GRIA3: variants seen among roughly 807,000 people sequenced by gnomAD.
GRIA3 encodes the protein glutamate ionotropic receptor AMPA type subunit 3.
GRIA3 carries 3 observed loss-of-function variants against 63.0 expected under a neutral mutation model. The ratio of observed to expected loss-of-function variants is 0.05; its 90% CI spans 0.02 to 0.12. The LOEUF is 0.12. Among genes scored for constraint, GRIA3 ranks in the 10% least tolerant of loss-of-function variants. The pLI, the probability that GRIA3 is intolerant of heterozygous loss-of-function variation, is 1.00. For synonymous variants in GRIA3, 274 were observed against 257.9 expected (o/e 1.06, Z -0.60); for missense variants, 347 against 700.9 (o/e 0.50, Z 5.70).
chrX:123,228,372 A>G (rs141729818), intron 2 of GRIA3, among the ~76,000 whole-genome samples: 4,099 of 110,863 alleles, frequency 0.037, 212 homozygotes, highest in African/African-American at 0.13. Context: ...GGTTTCTGGG[A>G]GGGCCTCAAA....
intron 3 of GRIA3, among the ~76,000 whole-genome samples, chrX:123,301,591 GCTA>G (rs2044723602): frequency 9.0e-6 from 1 of 111,503 alleles, no homozygotes; most frequent in Non-Finnish European, 1.9e-5. Context: ...AATGTCAGAT[GCTA>G]CTATTTTCAT....
intron 2 of GRIA3, among the ~76,000 whole-genome samples, chrX:123,228,453 A>G (rs1051669904): frequency 4.5e-5 from 5 of 111,668 alleles, no homozygotes; most frequent in Non-Finnish European, 9.4e-5. Context: ...AGGCCAACTA[A>G]TGGGTCCAAT....
intron 4 of GRIA3, among the ~76,000 whole-genome samples, chrX:123,347,153 G>A (rs2045056196): frequency 8.9e-6 from 1 of 112,220 alleles, no homozygotes; most frequent in South Asian, 3.7e-4. Context: ...TGCTTGAACT[G>A]TTAGCGTGTC....
At chrX:123,321,945 G>A (rs1055682474) in intron 3 of GRIA3, among the ~76,000 whole-genome samples, 2 of 111,273 alleles carry the variant, frequency 1.8e-5, no homozygotes, top group African/African-American at 6.5e-5. Context: ...TACCTCGCTG[G>A]GGGTATGAGG....
At chrX:123,247,333 T>C (rs1292968519) in intron 2 of GRIA3, among the ~76,000 whole-genome samples, 3 of 111,504 alleles carry the variant, frequency 2.7e-5, no homozygotes, top group African/African-American at 9.8e-5. Flanking sequence ...GTGGTATAAT[T>C]TGGTGCCACA....
At chrX:123,267,427 T>C (rs956015342) in intron 3 of GRIA3, among the ~76,000 whole-genome samples, 5 of 112,130 alleles carry the variant, frequency 4.5e-5, no homozygotes, top group African/African-American at 1.6e-4. Context: ...GTGCGCCTTA[T>C]GGTTCCTGAG....
intron 5 of GRIA3, among the ~76,000 whole-genome samples, chrX:123,389,419 G>C (rs376341255): frequency 5.4e-5 from 6 of 111,545 alleles, no homozygotes; most frequent in African/African-American, 2.0e-4. Flanking sequence ...GTTTAGAATT[G>C]CTATATAGTA....
chrX:123,345,341 C>G (rs775405886), intron 4 of GRIA3, among the ~76,000 whole-genome samples: 1 of 109,389 alleles, frequency 9.1e-6, no homozygotes, highest in East Asian at 2.9e-4. Flanking sequence ...ACCCCCAACC[C>G]CTATTCTCCC....
intron 4 of GRIA3, among the ~76,000 whole-genome samples, chrX:123,336,216 G>T (rs1343686749): frequency 9.1e-6 from 1 of 110,307 alleles, no homozygotes; most frequent in Non-Finnish European, 1.9e-5. Context: ...ATGTAAATGA[G>T]CAATAACAAA....
chrX:123,441,821 A>AACACAC (rs34401132), intron 12 of GRIA3, among the ~76,000 whole-genome samples: 80 of 105,099 alleles, frequency 7.6e-4, no homozygotes, highest in African/African-American at 2.6e-3. Context: ...CCTTCCTCTG[A>AACACAC]ACACACACAC....
chrX:123,227,501 G>C (rs2044253748), intron 2 of GRIA3, among the ~76,000 whole-genome samples: 1 of 112,007 alleles, frequency 8.9e-6, no homozygotes, highest in African/African-American at 3.2e-5. Flanking sequence ...AGCAAGTGTT[G>C]ATAAGTCAGT....
At chrX:123,264,464 T>C (rs946354460) in intron 3 of GRIA3, among the ~76,000 whole-genome samples, 1 of 110,121 alleles carries the variant, frequency 9.1e-6, no homozygotes, top group Non-Finnish European at 1.9e-5. Context: ...GGGGGCCCAA[T>C]AGAGTCAGGA....
At chrX:123,352,511 T>A (rs1294781473) in intron 4 of GRIA3, among the ~76,000 whole-genome samples, 1 of 112,060 alleles carries the variant, frequency 8.9e-6, no homozygotes, top group Non-Finnish European at 1.9e-5. Context: ...ATGACAAGAC[T>A]GGGGTCCTGG....
intron 2 of GRIA3, among the ~76,000 whole-genome samples, chrX:123,229,534 T>G (rs930529286): frequency 8.9e-6 from 1 of 111,903 alleles, no homozygotes; most frequent in Non-Finnish European, 1.9e-5. Flanking sequence ...ATCTCCTGGA[T>G]TATTTAGGGG....
At chrX:123,468,680 T>C (rs1438128951) in intron 13 of GRIA3, among the ~76,000 whole-genome samples, 3 of 112,842 alleles carry the variant, frequency 2.7e-5, no homozygotes, top group African/African-American at 9.7e-5. Context: ...GGACTTGCTT[T>C]ACTCATTCAG....
intron 5 of GRIA3, among the ~76,000 whole-genome samples, chrX:123,362,165 C>A (rs1362161230): frequency 9.0e-6 from 1 of 111,680 alleles, no homozygotes; most frequent in African/African-American, 3.3e-5. Flanking sequence ...GTATGTCCAA[C>A]AACTTGTTCA....
At chrX:123,419,461 C>T (rs1695147530) in intron 11 of GRIA3, among the ~76,000 whole-genome samples, 2 of 110,199 alleles carry the variant, frequency 1.8e-5, no homozygotes, top group African/African-American at 6.6e-5. Flanking sequence ...ATGCAAAAGG[C>T]CACATATCAT....
At chrX:123,477,578 T>G (rs954107940) in intron 13 of GRIA3, among the ~76,000 whole-genome samples, 27 of 111,140 alleles carry the variant, frequency 2.4e-4, no homozygotes, top group African/African-American at 8.8e-4. Flanking sequence ...GAAGGGCACT[T>G]AGCATTATTA....
chrX:123,205,261 C>G (rs1299700201), intron 2 of GRIA3, among the ~76,000 whole-genome samples: 1 of 112,039 alleles, frequency 8.9e-6, no homozygotes, highest in Non-Finnish European at 1.9e-5. Context: ...CTCCATTCAA[C>G]TAGCATTATA....
Sources: gnomAD v4.1 joint callset for allele counts (sites outside exome capture counted in the v4.1 genomes callset) on GRCh38, gnomAD v4.1.1 for gene constraint, MANE v1.5 for transcripts, NCBI Gene and HGNC (gene_info 2026-07-23, HGNC 2026-07-21) for gene names.